The following ACOXL variants were observed in gnomAD, a reference collection of about 807,000 sequenced individuals.
ACOXL encodes acyl-CoA oxidase like, also known as acyl-coenzyme A oxidase-like protein.
ACOXL carries 70 observed loss-of-function variants against 71.9 expected under a neutral mutation model. The observed-to-expected ratio is 0.97, with a 90% CI of 0.80 to 1.19. The LOEUF is 1.19. ACOXL is among the 50% of genes most tolerant of loss of function. ACOXL has a pLI of 0.00. For missense variants in ACOXL, 703 were observed against 736.3 expected (o/e 0.95, Z 0.52); for synonymous variants, 253 against 281.6 (o/e 0.90, Z 1.02).
rs955343842 is a variant in ACOXL, at chr2:111,118,434, C to T, written c.*618C>T. 6.6e-6 allele frequency among the ~76,000 whole-genome samples: 1 copy of T among 152,180 alleles called. No homozygotes were observed. The highest frequency in any genetic ancestry group is 1.5e-5 in the Non-Finnish European group (1 of 68,018). ...AACTCGGCTTGTCCTCCCAGGCCGG[C>T]GGTTTCCGTACGGCAAGACAAGGCG... On this transcript the variant is annotated 3_prime_UTR_variant, in exon 18 of 18. Coordinates refer to ENST00000439055, the MANE Select transcript of ACOXL (RefSeq NM_001142807.4).
chr2:110,904,873 G>A (rs1461000214), intron 10 of ACOXL, among the ~76,000 whole-genome samples: 3 of 152,142 alleles, frequency 2.0e-5, no homozygotes, highest in African/African-American at 7.2e-5. Flanking sequence ...GCCCTGGGGA[G>A]ACTAGGTTAG....
chr2:110,754,176 A>G (rs1679372131), intron 1 of ACOXL, among the ~76,000 whole-genome samples: 1 of 150,938 alleles, frequency 6.6e-6, no homozygotes, highest in Non-Finnish European at 1.5e-5. Context: ...GGGATCAAGC[A>G]ATCCTCCCAC....
At chr2:111,004,639 T>C (rs2063788826) in intron 14 of ACOXL, among the ~76,000 whole-genome samples, 1 of 152,124 alleles carries the variant, frequency 6.6e-6, no homozygotes, top group African/African-American at 2.4e-5. Flanking sequence ...CTGCATGATT[T>C]CGACATCAGT....
At chr2:111,095,164 A>G (rs1270447139) in intron 17 of ACOXL, among the ~76,000 whole-genome samples, 3 of 151,404 alleles carry the variant, frequency 2.0e-5, no homozygotes, top group Non-Finnish European at 4.4e-5. Flanking sequence ...ATCTTTGAAG[A>G]CTATTTCCCA....
chr2:110,943,465 G>A (rs78671791), intron 12 of ACOXL, among the ~76,000 whole-genome samples: 1 of 152,242 alleles, frequency 6.6e-6, no homozygotes, highest in East Asian at 1.9e-4. Flanking sequence ...ACGGTGATAT[G>A]GTGAAGCTAC....
chr2:111,055,048 C>A (rs550259969), intron 16 of ACOXL, among the ~76,000 whole-genome samples: 1 of 152,206 alleles, frequency 6.6e-6, no homozygotes, highest in Non-Finnish European at 1.5e-5. Context: ...CATAAAGATT[C>A]TTTCTGCTTC....
chr2:111,094,989 C>G (rs1484496789), intron 17 of ACOXL, among the ~76,000 whole-genome samples: 4 of 152,046 alleles, frequency 2.6e-5, no homozygotes, highest in Non-Finnish European at 5.9e-5. Flanking sequence ...AAGATGCCAG[C>G]CTTCATAAAG....
chr2:111,045,162 G>A (rs1177421169), intron 15 of ACOXL, among the ~76,000 whole-genome samples: 2 of 152,196 alleles, frequency 1.3e-5, no homozygotes, highest in East Asian at 3.8e-4. Context: ...ATGCCCCAGG[G>A]AGACTTTGCA....
chr2:111,104,261 G>A (rs72946301), intron 17 of ACOXL, among the ~76,000 whole-genome samples: 12,195 of 152,192 alleles, frequency 0.08, 581 homozygotes, highest in Non-Finnish European at 0.11. Context: ...TTCAGCTTCT[G>A]ACATTTAGGA....
intron 14 of ACOXL, among the ~76,000 whole-genome samples, chr2:111,021,083 A>C (rs1030482451): frequency 6.6e-6 from 1 of 152,148 alleles, no homozygotes; most frequent in Non-Finnish European, 1.5e-5. Flanking sequence ...CACCTGCTCC[A>C]CCTTGCAGAA....
At chr2:110,788,515 C>G (rs1353335667) in intron 3 of ACOXL, among the ~76,000 whole-genome samples, 2 of 151,904 alleles carry the variant, frequency 1.3e-5, no homozygotes, top group South Asian at 4.1e-4. Context: ...TTAATGGGTA[C>G]AGAGTTTTTT....
chr2:111,099,374 C>T (rs1390157361), intron 17 of ACOXL: 2 of 152,242 alleles, frequency 1.3e-5, no homozygotes, highest in South Asian at 2.1e-4. Flanking sequence ...TCCTCACAAG[C>T]ACCCTTTAGT....
intron 9 of ACOXL, among the ~76,000 whole-genome samples, chr2:110,832,746 C>A (rs1184655465): frequency 6.6e-6 from 1 of 151,964 alleles, no homozygotes. Context: ...GCTGAACAAT[C>A]CAATTATAAA....
At chr2:111,034,096 T>C (rs2065401277) in intron 15 of ACOXL, among the ~76,000 whole-genome samples, 1 of 152,192 alleles carries the variant, frequency 6.6e-6, no homozygotes, top group Non-Finnish European at 1.5e-5. Context: ...AGATCCCGGC[T>C]TTACCTCTAC....
At chr2:111,028,221 G>C (rs531014153) in intron 14 of ACOXL, among the ~76,000 whole-genome samples, 18 of 152,040 alleles carry the variant, frequency 1.2e-4, no homozygotes, top group African/African-American at 4.3e-4. Flanking sequence ...TATTTCTTAA[G>C]ATTTTTCTAC....
intron 14 of ACOXL, among the ~76,000 whole-genome samples, chr2:111,029,729 G>T (rs1487301957): frequency 6.6e-6 from 1 of 152,156 alleles, no homozygotes; most frequent in Non-Finnish European, 1.5e-5. Flanking sequence ...TGCCAGCAGG[G>T]GTGAGGTTAC....
At chr2:110,961,656 G>T (rs761622549) in intron 12 of ACOXL, among the ~76,000 whole-genome samples, 1 of 152,220 alleles carries the variant, frequency 6.6e-6, no homozygotes, top group Non-Finnish European at 1.5e-5. Context: ...CTGAGGTGCT[G>T]TATTAGTCTG....
intron 12 of ACOXL, among the ~76,000 whole-genome samples, chr2:110,981,835 C>T (rs183418073): frequency 4.6e-5 from 7 of 152,058 alleles, no homozygotes; most frequent in South Asian, 2.1e-4. Context: ...CCCCGAGGGA[C>T]GGCTGTATCT....
intron 1 of ACOXL, among the ~76,000 whole-genome samples, chr2:110,761,533 A>G (rs1680399851): frequency 6.6e-6 from 1 of 152,212 alleles, no homozygotes; most frequent in Non-Finnish European, 1.5e-5. Flanking sequence ...TCCCCATGGA[A>G]TATAATTTGG....
Sources: gnomAD v4.1 joint callset for allele counts (sites outside exome capture counted in the v4.1 genomes callset) on GRCh38, gnomAD v4.1.1 for gene constraint, MANE v1.5 for transcripts, NCBI Gene and HGNC (gene_info 2026-07-23, HGNC 2026-07-21) for gene names.